Variants in COL14A1 observed in about 807,000 individuals in gnomAD.
COL14A1 encodes the protein collagen type XIV alpha 1 chain, also known as collagen alpha-1(XIV) chain.
Under a neutral mutation model 230.3 loss-of-function variants are expected in COL14A1, and 136 were observed. The ratio of observed to expected loss-of-function variants is 0.59; its 90% CI spans 0.51 to 0.68. The LOEUF is 0.68. COL14A1 is among the 30% of genes least tolerant of loss of function. The probability of loss-of-function intolerance (pLI) is 0.00; values close to 1 mark genes in which losing one functional copy is unlikely to be tolerated. For missense variants in COL14A1, 1,976 were observed against 2,215.8 expected (o/e 0.89, Z 2.17); for synonymous variants, 792 against 784.1 (o/e 1.01, Z -0.17).
At chr8:120,255,061 C>G (rs768315210) in intron 22 of COL14A1, among the ~76,000 whole-genome samples, 179 bp from the exon 23 acceptor site, 5 of 152,146 alleles carry the variant, frequency 3.3e-5, no homozygotes, top group Admixed American at 1.3e-4. Context: ...GTTTTGCAAT[C>G]TGTTCTCTCA....
intron 44 of COL14A1, 74 bp from the exon 45 acceptor site, chr8:120,345,301 C>A: frequency 7.2e-7 from 1 of 1,384,326 alleles, no homozygotes; most frequent in Non-Finnish European, 9.8e-7. Flanking sequence ...GCAGCCTTAA[C>A]AAATGACACC....
At chr8:120,257,547 T>A (rs1389651217) in intron 23 of COL14A1, among the ~76,000 whole-genome samples, 1 of 152,150 alleles carries the variant, frequency 6.6e-6, no homozygotes, top group Non-Finnish European at 1.5e-5. Context: ...GGAGAAGAAT[T>A]AGGTTGAGTT....
At position 120,270,041 on chromosome 8, in the gene COL14A1, A is replaced by T. The variant is rs1819612102; in HGVS notation, c.3080A>T (p.Lys1027Met). 6.2e-7 allele frequency: 1 copy of T among 1,610,976 alleles called. No individual in the cohort carries two copies. The highest frequency in any genetic ancestry group is 8.5e-7 in the Non-Finnish European group (1 of 1,178,010). Residue 1027 changes from lysine (K) to methionine (M), a missense_variant, in exon 26 of 48, where the codon AAG (lysine) becomes ATG (methionine). This residue lies in a region of COL14A1 where 1,791 missense variants were observed against 2,019.5 expected (regional missense o/e 0.89). Transcript: ENST00000297848. ...ATTCATTGTTGGTCTTCAGTATGTA[A>T]GGCGGCCAAGGCTGACCTGGTATTT... is the stretch of plus-strand genomic sequence containing the variant. ...PTIPPAKEVC[K>M]AAKADLVFMV...
chr8:120,194,435 C>G (rs977681674), intron 5 of COL14A1, among the ~76,000 whole-genome samples: 3 of 152,026 alleles, frequency 2.0e-5, no homozygotes, highest in African/African-American at 7.3e-5. Context: ...TTGACCATAC[C>G]CCACACTTAT....
At chr8:120,276,690 TG>T (rs994945670) in intron 26 of COL14A1, among the ~76,000 whole-genome samples, 37 of 151,238 alleles carry the variant, frequency 2.4e-4, no homozygotes, top group African/African-American at 8.7e-4. Context: ...GGCTGCATGG[TG>T]GGGGTAAGGG....
intron 5 of COL14A1, among the ~76,000 whole-genome samples, chr8:120,193,839 A>G (rs573983087): frequency 3.3e-5 from 5 of 152,166 alleles, no homozygotes; most frequent in Non-Finnish European, 7.4e-5. Context: ...CTGTGGGCGT[A>G]GGACCCTCCG....
chr8:120,147,534 T>C (rs1283616153), intron 1 of COL14A1, among the ~76,000 whole-genome samples: 1 of 152,166 alleles, frequency 6.6e-6, no homozygotes, highest in Non-Finnish European at 1.5e-5. Context: ...ACTTGGGAAA[T>C]TCACTATGCA....
rs765408116 is a variant in COL14A1 at position 120,285,913 on chromosome 8, A to G, written c.4020A>G (p.Gln1340=). The G allele has an allele frequency of 1.2e-6, 2 of 1,612,312 alleles. No homozygotes were observed. Among genetic ancestry groups the G allele is most frequent in the Middle Eastern group, 1.7e-4 (1 of 6,038 alleles). ...YFNYDQSGDF[Q]TVTFEGPEIR... Reference sequence around the variant, plus strand: ...ACTATGACCAGAGTGGGGATTTTCAAACTGTTACTTTCGAAGGACCTGAAA... The same window carrying G: ...ACTATGACCAGAGTGGGGATTTTCAGACTGTTACTTTCGAAGGACCTGAAA... The change falls in exon 33 of 48, where the codon CAA becomes CAG. Residue 1340 remains glutamine, a synonymous_variant. Coordinates refer to ENST00000297848, the MANE Select transcript of COL14A1 (RefSeq NM_021110.4).
intron 40 of COL14A1, among the ~76,000 whole-genome samples, chr8:120,331,514 A>G (rs1173195862): frequency 2.0e-5 from 3 of 152,190 alleles, no homozygotes; most frequent in East Asian, 1.9e-4. Flanking sequence ...TATATATTCT[A>G]TAATTGAGGA....
chr8:120,300,449 AT>A (rs562358067), intron 35 of COL14A1, among the ~76,000 whole-genome samples: 30 of 149,710 alleles, frequency 2.0e-4, no homozygotes, highest in Non-Finnish European at 3.1e-4. Context: ...AGTAATCAAG[AT>A]TTTTTTTTTG....
At chr8:120,299,207 C>A (rs1246463751) in intron 35 of COL14A1, among the ~76,000 whole-genome samples, 1 of 151,996 alleles carries the variant, frequency 6.6e-6, no homozygotes, top group Non-Finnish European at 1.5e-5. Flanking sequence ...CACAGCCAAA[C>A]TGTATCAGTA....
chr8:120,371,411 A>T lies in COL14A1; in HGVS notation c.*180A>T, dbSNP rs1812153726. The T allele has an allele frequency of 2.1e-5, 8 of 389,762 alleles. No homozygotes were observed. In the Admixed American group the frequency reaches 3.1e-4, roughly 15 times the overall value. 24.1% of individuals were successfully genotyped at this position (389,762 alleles called of 1,614,324 possible). On this transcript the variant is annotated 3_prime_UTR_variant, in exon 48 of 48. Transcript: ENST00000297848. ...TTATTAACAAAAAATATATATTTTTAAAAAGTTCCCTTAATCTATGACATG... is the reference window on the plus strand; with the variant it reads ...TTATTAACAAAAAATATATATTTTTTAAAAGTTCCCTTAATCTATGACATG...
intron 5 of COL14A1, among the ~76,000 whole-genome samples, chr8:120,170,704 T>A (rs1411356872): frequency 1.3e-5 from 2 of 152,098 alleles, no homozygotes; most frequent in African/African-American, 4.8e-5. Context: ...ATAAGAATTA[T>A]TGTATTTTTC....
At chr8:120,295,487 G>A (rs1204326986) in intron 34 of COL14A1, among the ~76,000 whole-genome samples, 1 of 151,686 alleles carries the variant, frequency 6.6e-6, no homozygotes, top group Non-Finnish European at 1.5e-5. Flanking sequence ...GATAGTGCCT[G>A]GCATTCATTT....
chr8:120,141,967 A>C (rs1450697763), intron 1 of COL14A1, among the ~76,000 whole-genome samples: 1 of 152,160 alleles, frequency 6.6e-6, no homozygotes, highest in East Asian at 1.9e-4. Flanking sequence ...TCTTGGGCTC[A>C]AGCGATCTTC....
chr8:120,326,388 C>T (rs550395317), intron 40 of COL14A1, among the ~76,000 whole-genome samples: 2 of 152,338 alleles, frequency 1.3e-5, no homozygotes, highest in African/African-American at 4.8e-5. Context: ...AGAAGAGTGA[C>T]TGTCTTGTTC....
intron 25 of COL14A1, 98 bp from the exon 26 acceptor site, chr8:120,269,937 C>A: frequency 1.6e-6 from 2 of 1,267,360 alleles, no homozygotes; most frequent in South Asian, 1.5e-5. Flanking sequence ...TGAAAAAGAG[C>A]TTCACTTAGC....
chr8:120,133,641 T>G (rs1814618600), intron 1 of COL14A1, among the ~76,000 whole-genome samples: 1 of 152,184 alleles, frequency 6.6e-6, no homozygotes, highest in African/African-American at 2.4e-5. Context: ...TACATTTATA[T>G]CAGTATATTT....
chr8:120,370,406 A>G (rs756208405), intron 47 of COL14A1: 14 of 1,607,776 alleles, frequency 8.7e-6, no homozygotes, highest in South Asian at 1.1e-5. Flanking sequence ...GGCCCCAGAC[A>G]TTTAGCTGTG....
Sources: gnomAD v4.1 joint callset for allele counts (sites outside exome capture counted in the v4.1 genomes callset) on GRCh38, gnomAD v4.1.1 for gene constraint, gnomAD v4.1.1 regional missense constraint, MANE v1.5 for transcripts, NCBI Gene and HGNC (gene_info 2026-07-23, HGNC 2026-07-21) for gene names.